The following CTDSPL variants were observed in gnomAD, a reference collection of about 807,000 sequenced individuals.
CTDSPL encodes the protein CTD small phosphatase-like protein.
CTDSPL carries 8 observed loss-of-function variants against 30.5 expected under a neutral mutation model. That is an observed-to-expected ratio of 0.26 (90% CI 0.15 to 0.47). The LOEUF (loss-of-function observed/expected upper bound fraction) is 0.47, where lower values mean the gene tolerates loss of function less well. Among genes scored for constraint, CTDSPL ranks in the 20% least tolerant of loss-of-function variants. The probability of loss-of-function intolerance (pLI) is 0.99; values close to 1 mark genes in which losing one functional copy is unlikely to be tolerated. For synonymous variants in CTDSPL, 110 were observed against 137.9 expected (o/e 0.80, Z 1.42); for missense variants, 248 against 366.1 (o/e 0.68, Z 2.63).
chr3:37,897,435 C>A (rs959183401), intron 1 of CTDSPL, among the ~76,000 whole-genome samples: 1 of 152,106 alleles, frequency 6.6e-6, no homozygotes, highest in East Asian at 1.9e-4. Context: ...AGAATGCTTA[C>A]GTCATTCTGC....
intron 1 of CTDSPL, among the ~76,000 whole-genome samples, chr3:37,898,553 C>A (rs555596153): frequency 6.6e-6 from 1 of 152,132 alleles, no homozygotes; most frequent in Non-Finnish European, 1.5e-5. Context: ...CTACGAGCCC[C>A]GTGCCAAGAG....
chr3:37,950,678 C>T (rs111374440), intron 2 of CTDSPL, among the ~76,000 whole-genome samples: 1 of 152,142 alleles, frequency 6.6e-6, no homozygotes, highest in East Asian at 1.9e-4. Context: ...AGAAAATTTT[C>T]TTGAGCTGAA....
chr3:37,908,696 C>T (rs896795470), intron 1 of CTDSPL, among the ~76,000 whole-genome samples: 1 of 152,214 alleles, frequency 6.6e-6, no homozygotes, highest in Non-Finnish European at 1.5e-5. Context: ...ACATCTATGA[C>T]TCTTGGTGCA....
At chr3:37,937,348 G>A (rs894387930) in intron 1 of CTDSPL, among the ~76,000 whole-genome samples, 1 of 150,252 alleles carries the variant, frequency 6.7e-6, no homozygotes, top group Non-Finnish European at 1.5e-5. Context: ...GATCCCTCAT[G>A]AGTAAGTAAA....
chr3:37,898,039 C>T (rs1698407627), intron 1 of CTDSPL, among the ~76,000 whole-genome samples: 1 of 152,142 alleles, frequency 6.6e-6, no homozygotes, highest in Admixed American at 6.5e-5. Context: ...AGCATTTGAA[C>T]ACAAAGCCAC....
intron 1 of CTDSPL, among the ~76,000 whole-genome samples, chr3:37,909,873 A>G (rs1698561885): frequency 6.6e-6 from 1 of 152,216 alleles, no homozygotes; most frequent in Non-Finnish European, 1.5e-5. Context: ...AGGTGTGTTG[A>G]TTAAACATTA....
At chr3:37,979,959 TCC>T (rs906208273) in intron 7 of CTDSPL, among the ~76,000 whole-genome samples, 3 of 152,242 alleles carry the variant, frequency 2.0e-5, no homozygotes, top group African/African-American at 7.2e-5. Flanking sequence ...CTCCACTCTC[TCC>T]CCATCCCCTA....
intron 2 of CTDSPL, among the ~76,000 whole-genome samples, chr3:37,950,814 C>A (rs1319713394): frequency 6.6e-6 from 1 of 152,102 alleles, no homozygotes; most frequent in African/African-American, 2.4e-5. Context: ...GTCTTACAAG[C>A]TACTAGAATA....
chr3:37,940,089 C>G (rs974339443), intron 1 of CTDSPL, among the ~76,000 whole-genome samples: 1 of 149,404 alleles, frequency 6.7e-6, no homozygotes. Context: ...AAGACTCCGT[C>G]TCAAAAAAAA....
At chr3:37,947,756 GA>G (rs1473025714) in intron 2 of CTDSPL, among the ~76,000 whole-genome samples, 4 of 152,148 alleles carry the variant, frequency 2.6e-5, no homozygotes, top group African/African-American at 9.7e-5. Context: ...TTGAATGCAT[GA>G]AACAGTTAAA....
At chr3:37,894,752 CT>C (rs1183107984) in intron 1 of CTDSPL, among the ~76,000 whole-genome samples, 1 of 152,050 alleles carries the variant, frequency 6.6e-6, no homozygotes, top group Non-Finnish European at 1.5e-5. Context: ...TATTTTCAAT[CT>C]TTTTTCCTTT....
chr3:37,976,333 G>T (rs1400406600), intron 7 of CTDSPL, among the ~76,000 whole-genome samples: 1 of 152,104 alleles, frequency 6.6e-6, no homozygotes, highest in East Asian at 1.9e-4. Context: ...CTCTTTAACA[G>T]AAGTATTTCT....
Position 37,964,690 on chromosome 3 carries a change from A to C in CTDSPL, c.369+18A>C. On this transcript the variant is annotated intron_variant, in intron 4 of 7. Coordinates refer to ENST00000273179, the MANE Select transcript of CTDSPL (RefSeq NM_001008392.2). ...CGTTTAAGGTAAATCAACATAAAAA[A>C]AAAATCCATGATCTTTGTGATTTGA... The C allele has an allele frequency of 1.3e-6, 2 of 1,557,908 alleles. No homozygotes were observed. Among genetic ancestry groups the C allele is most frequent in the Non-Finnish European group, 1.8e-6 (2 of 1,132,212 alleles).
chr3:37,870,465 A>C (rs776363778), intron 1 of CTDSPL, among the ~76,000 whole-genome samples: 1 of 152,044 alleles, frequency 6.6e-6, no homozygotes, highest in Non-Finnish European at 1.5e-5. Context: ...TTTGTGTGTC[A>C]ATCTTGCTTG....
intron 1 of CTDSPL, among the ~76,000 whole-genome samples, chr3:37,914,614 A>C (rs1698622525): frequency 6.6e-6 from 1 of 152,208 alleles, no homozygotes; most frequent in South Asian, 2.1e-4. Context: ...TTATTCTGTT[A>C]ATATGATGAC....
chr3:37,928,937 A>AT (rs2125614189), intron 1 of CTDSPL, among the ~76,000 whole-genome samples: 1 of 152,274 alleles, frequency 6.6e-6, no homozygotes, highest in South Asian at 2.1e-4. Context: ...TCTTTAATCC[A>AT]TTTTGAGTTG....
intron 3 of CTDSPL, 131 bp downstream of exon 3, chr3:37,957,274 G>T: frequency 3.4e-6 from 2 of 594,544 alleles, no homozygotes; most frequent in Non-Finnish European, 2.8e-6. Flanking sequence ...AAACAGCTCT[G>T]TTCTGTTAAA....
intron 1 of CTDSPL, among the ~76,000 whole-genome samples, chr3:37,914,873 CTTTTTT>C (rs11304152): frequency 1.9e-5 from 1 of 51,284 alleles, no homozygotes; most frequent in Non-Finnish European, 3.6e-5. Context: ...TATATATGTT[CTTTTTT>C]TTTTTTTTTT....
chr3:37,880,641 G>A (rs1168011238), intron 1 of CTDSPL, among the ~76,000 whole-genome samples: 1 of 152,174 alleles, frequency 6.6e-6, no homozygotes, highest in East Asian at 1.9e-4. Flanking sequence ...TGTAGTAAAG[G>A]TCAAGAATCC....
Sources: gnomAD v4.1 joint callset for allele counts (sites outside exome capture counted in the v4.1 genomes callset) on GRCh38, gnomAD v4.1.1 for gene constraint, MANE v1.5 for transcripts, NCBI Gene and HGNC (gene_info 2026-07-23, HGNC 2026-07-21) for gene names.